Variants in SVOPL observed in about 807,000 individuals in gnomAD.
The protein encoded by SVOPL is SVOP like, also known as putative transporter SVOPL.
A neutral mutation model predicts 61.0 loss-of-function variants in SVOPL; 60 were observed. The observed-to-expected ratio is 0.98, with a 90% confidence interval of 0.80 to 1.22. The LOEUF (loss-of-function observed/expected upper bound fraction) is 1.22. SVOPL is among the 50% of genes most tolerant of loss of function. The probability of loss-of-function intolerance (pLI) is 0.00; values close to 1 mark genes in which losing one functional copy is unlikely to be tolerated. For missense variants in SVOPL, 662 were observed against 643.9 expected (o/e 1.03, Z -0.30); for synonymous variants, 279 against 250.0 (o/e 1.12, Z -1.09).
intron 9 of SVOPL, among the ~76,000 whole-genome samples, chr7:138,643,162 C>T (rs750455838): frequency 6.6e-6 from 1 of 152,062 alleles, no homozygotes; most frequent in Non-Finnish European, 1.5e-5. Flanking sequence ...TGCGGTGGCT[C>T]ACGCCTGTAA....
At chr7:138,634,516 TG>T (rs1800372639) in intron 9 of SVOPL, among the ~76,000 whole-genome samples, 1 of 148,680 alleles carries the variant, frequency 6.7e-6, no homozygotes, top group Non-Finnish European at 1.5e-5. Flanking sequence ...GGTGTGGTGG[TG>T]TGCACCTATA....
At chr7:138,650,543 C>T (rs968251142) in intron 7 of SVOPL, among the ~76,000 whole-genome samples, 3 of 150,960 alleles carry the variant, frequency 2.0e-5, no homozygotes, top group African/African-American at 7.3e-5. Flanking sequence ...AGTGCGGTGG[C>T]TCATGCCTGT....
chr7:138,613,399 A>C (rs905889760), intron 14 of SVOPL, among the ~76,000 whole-genome samples: 14 of 152,116 alleles, frequency 9.2e-5, no homozygotes, highest in African/African-American at 3.4e-4. Context: ...ACTGCTCCTA[A>C]GGTAAAAATC....
chr7:138,662,480 T>C (rs1330203778), intron 5 of SVOPL: 10 of 985,346 alleles, frequency 1.0e-5, no homozygotes, highest in East Asian at 1.1e-4. Context: ...TCATGACACA[T>C]AGTCCTGAAA....
intron 7 of SVOPL, among the ~76,000 whole-genome samples, chr7:138,650,185 G>A (rs1267595839): frequency 6.6e-6 from 1 of 151,994 alleles, no homozygotes; most frequent in Non-Finnish European, 1.5e-5. Flanking sequence ...ATTTTTTAAC[G>A]GATGGATTAA....
intron 9 of SVOPL, among the ~76,000 whole-genome samples, chr7:138,634,367 G>A (rs1386945132): frequency 1.3e-5 from 2 of 152,028 alleles, no homozygotes; most frequent in Admixed American, 6.6e-5. Flanking sequence ...ATTAAGGCAG[G>A]CACGGTGGCT....
At chr7:138,607,398 C>T (rs545437499) in intron 14 of SVOPL, among the ~76,000 whole-genome samples, 1 of 152,246 alleles carries the variant, frequency 6.6e-6, no homozygotes, top group South Asian at 2.1e-4. Flanking sequence ...TAGAGGAAGA[C>T]AAGTCACAAA....
At chr7:138,648,949 G>T in intron 8 of SVOPL, 63 bp downstream of exon 8, 1 of 1,604,830 alleles carries the variant, frequency 6.2e-7, no homozygotes, top group East Asian at 2.2e-5. Context: ...ATATTTGTGG[G>T]GCATGAAGGC....
Position 138,627,367 on chromosome 7 carries a change from G to T in SVOPL, c.1164C>A (p.Leu388=). 6.2e-7 allele frequency: 1 copy of T among 1,613,116 alleles called. No individual in the cohort carries two copies. The highest frequency in any genetic ancestry group is 8.5e-7 in the Non-Finnish European group (1 of 1,179,118). The change falls in exon 12 of 16, where the codon CTC becomes CTA. Residue 388 remains leucine, a synonymous_variant. Coordinates refer to ENST00000674285, the MANE Select transcript of SVOPL (RefSeq NM_001139456.2). The part of the protein sequence containing the change: ...MGCTALFFLL[L]NICTSSAGLI... ...GAAAATACCTTGAAGTGCAAATGTT[G>T]AGGAGAAGGAAGAATAAAGCCGTGC... is the stretch of plus-strand genomic sequence containing the variant.
At chr7:138,679,780 T>C (rs1802659955) in intron 1 of SVOPL, among the ~76,000 whole-genome samples, 1 of 152,226 alleles carries the variant, frequency 6.6e-6, no homozygotes, top group African/African-American at 2.4e-5. Flanking sequence ...AAGCCATTAC[T>C]ATTATTACTC....
At chr7:138,639,946 G>A (rs1039832886) in intron 9 of SVOPL, among the ~76,000 whole-genome samples, 8 of 151,938 alleles carry the variant, frequency 5.3e-5, no homozygotes, top group Non-Finnish European at 1.2e-4. Flanking sequence ...CGGTAAAAAG[G>A]GGTCCTGTTT....
At chr7:138,656,613 G>A (rs1165834971) in intron 6 of SVOPL, 102 bp from the exon 7 acceptor site, 2 of 1,236,736 alleles carry the variant, frequency 1.6e-6, no homozygotes, top group Non-Finnish European at 2.3e-6. Flanking sequence ...GAATTCAAAA[G>A]CATAGAAGTT....
At chr7:138,647,953 T>A (rs1329309035) in intron 8 of SVOPL, among the ~76,000 whole-genome samples, 11 of 152,076 alleles carry the variant, frequency 7.2e-5, no homozygotes, top group Non-Finnish European at 1.2e-4. Flanking sequence ...TTAGAATGAA[T>A]GGCCATCAAG....
chr7:138,632,393 C>T lies in SVOPL; in HGVS notation c.790-2271G>A, dbSNP rs188065425. Reference sequence around the variant, plus strand: ...AGGTTGCAGTGAACTGCAATCATGCCACTGCACTCCAGCCTGGGTGACAAG... The same window carrying T: ...AGGTTGCAGTGAACTGCAATCATGCTACTGCACTCCAGCCTGGGTGACAAG... On this transcript the variant is annotated intron_variant, in intron 9 of 15. Transcript: ENST00000674285. 3.9e-4 allele frequency among the ~76,000 whole-genome samples: 60 copies of T among 152,304 alleles called. No individual in the cohort carries two copies. In the East Asian group the frequency reaches 0.011, roughly 27 times the overall value.
At chr7:138,663,878 GCT>G (rs908273896) in intron 4 of SVOPL, among the ~76,000 whole-genome samples, 5 of 152,124 alleles carry the variant, frequency 3.3e-5, no homozygotes, top group Admixed American at 1.3e-4. Flanking sequence ...ACCAGAAACA[GCT>G]CTGTTTCCCT....
At chr7:138,606,583 A>G (rs1023782134) in intron 14 of SVOPL, among the ~76,000 whole-genome samples, 2 of 152,036 alleles carry the variant, frequency 1.3e-5, no homozygotes, top group Non-Finnish European at 2.9e-5. Flanking sequence ...ACAAAAAACA[A>G]AGGCATCTCC....
intron 14 of SVOPL, chr7:138,596,940 C>T: frequency 1.8e-6 from 2 of 1,115,902 alleles, no homozygotes; most frequent in Non-Finnish European, 2.2e-6. Flanking sequence ...TCAGTCCTGA[C>T]AGCATGAAAC....
intron 13 of SVOPL, among the ~76,000 whole-genome samples, 161 bp from the exon 14 acceptor site, chr7:138,621,296 T>C (rs976812517): frequency 2.6e-5 from 4 of 152,196 alleles, no homozygotes; most frequent in African/African-American, 9.7e-5. Context: ...GGTACACAAC[T>C]TTGAATTTTT....
intron 1 of SVOPL, among the ~76,000 whole-genome samples, chr7:138,680,945 A>G (rs1802688106): frequency 6.6e-6 from 1 of 152,046 alleles, no homozygotes; most frequent in African/African-American, 2.4e-5. Context: ...GATAAACAGA[A>G]AGCCTAAACT....
Sources: gnomAD v4.1 joint callset for allele counts (sites outside exome capture counted in the v4.1 genomes callset) on GRCh38, gnomAD v4.1.1 for gene constraint, MANE v1.5 for transcripts, NCBI Gene and HGNC (gene_info 2026-07-23, HGNC 2026-07-21) for gene names.